The following OLFM3 variants were observed in gnomAD, a reference collection of about 807,000 sequenced individuals.
OLFM3 encodes noelin-3.
Under a neutral mutation model 48.6 loss-of-function variants are expected in OLFM3, and 20 were observed. That is an observed-to-expected ratio of 0.41 (90% CI 0.29 to 0.60). OLFM3 has a LOEUF of 0.60. OLFM3 is among the 20% of genes least tolerant of loss of function. The probability of loss-of-function intolerance (pLI) is 0.28; values close to 1 mark genes in which losing one functional copy is unlikely to be tolerated. For missense variants in OLFM3, 437 were observed against 544.3 expected (o/e 0.80, Z 1.96); for synonymous variants, 222 against 198.1 (o/e 1.12, Z -1.01).
chr1:101,809,036 A>C (rs1221611090), intron 4 of OLFM3, among the ~76,000 whole-genome samples: 1 of 151,644 alleles, frequency 6.6e-6, no homozygotes, highest in Non-Finnish European at 1.5e-5. Context: ...CTCCAAAATA[A>C]AGCAAAAGAG....
At chr1:101,806,698 A>T (rs1653793860) in intron 4 of OLFM3, among the ~76,000 whole-genome samples, 1 of 151,788 alleles carries the variant, frequency 6.6e-6, no homozygotes, top group African/African-American at 2.4e-5. Context: ...AGAATAAAAC[A>T]TTCAATCACA....
intron 1 of OLFM3, among the ~76,000 whole-genome samples, chr1:101,980,562 A>G (rs1406361019): frequency 1.3e-5 from 2 of 152,244 alleles, no homozygotes; most frequent in Non-Finnish European, 1.5e-5. Flanking sequence ...GCCTTCTGCC[A>G]TGATTGTAAG....
chr1:101,848,058 T>G (rs888023918), intron 1 of OLFM3, among the ~76,000 whole-genome samples: 1 of 152,140 alleles, frequency 6.6e-6, no homozygotes, highest in African/African-American at 2.4e-5. Context: ...GTATATAGAA[T>G]CCAGGGTTTA....
intron 1 of OLFM3, chr1:101,846,910 T>C (rs1169240789): frequency 6.2e-7 from 1 of 1,612,728 alleles, no homozygotes; most frequent in Non-Finnish European, 8.5e-7. Flanking sequence ...GTTTGGGACA[T>C]CCAGTTTGAG....
At chr1:101,856,855 T>C (rs1319022811) in intron 1 of OLFM3, among the ~76,000 whole-genome samples, 1 of 152,010 alleles carries the variant, frequency 6.6e-6, no homozygotes, top group Admixed American at 6.6e-5. Flanking sequence ...GTATATTGGA[T>C]TCAAATAGTT....
intron 1 of OLFM3, among the ~76,000 whole-genome samples, chr1:101,969,855 G>A (rs1336315807): frequency 1.3e-5 from 2 of 152,116 alleles, no homozygotes; most frequent in South Asian, 2.1e-4. Flanking sequence ...TGGAACTAGG[G>A]TAAAGGAAGA....
chr1:101,812,674 A>G (rs1324999632), intron 4 of OLFM3: 1 of 985,544 alleles, frequency 1.0e-6, no homozygotes, highest in Non-Finnish European at 1.2e-6. Flanking sequence ...TTGCATCTCT[A>G]TGGCAAAGGG....
At chr1:101,818,544 T>C (rs763954268) in intron 4 of OLFM3, among the ~76,000 whole-genome samples, 25 of 152,250 alleles carry the variant, frequency 1.6e-4, no homozygotes, top group Non-Finnish European at 2.9e-4. Context: ...ATTTCCTCCA[T>C]TGCATTTCTG....
intron 1 of OLFM3, among the ~76,000 whole-genome samples, chr1:101,908,841 C>A (rs1658644535): frequency 6.6e-6 from 1 of 152,120 alleles, no homozygotes; most frequent in Non-Finnish European, 1.5e-5. Flanking sequence ...ATGCCTGGAG[C>A]CACCAGAAAG....
At chr1:101,924,747 AACACTAC>A (rs1311400290) in intron 1 of OLFM3, among the ~76,000 whole-genome samples, 2 of 152,260 alleles carry the variant, frequency 1.3e-5, no homozygotes, top group Admixed American at 1.3e-4. Context: ...TATTTACTTA[AACACTAC>A]AGTTCTGGAA....
chr1:101,862,897 T>C (rs1203228085), intron 1 of OLFM3, among the ~76,000 whole-genome samples: 1 of 152,180 alleles, frequency 6.6e-6, no homozygotes, highest in African/African-American at 2.4e-5. Context: ...TGTACAGATT[T>C]CACTCAGTGT....
At chr1:101,812,013 G>T (rs1161792864) in intron 4 of OLFM3, among the ~76,000 whole-genome samples, 1 of 152,054 alleles carries the variant, frequency 6.6e-6, no homozygotes, top group African/African-American at 2.4e-5. Flanking sequence ...CCATAAAAAA[G>T]GATGAGTTCG....
At chr1:101,951,037 A>C (rs534148874) in intron 1 of OLFM3, among the ~76,000 whole-genome samples, 1 of 152,338 alleles carries the variant, frequency 6.6e-6, no homozygotes, top group South Asian at 2.1e-4. Context: ...ACTATATGCT[A>C]TGGGGATACC....
intron 4 of OLFM3, among the ~76,000 whole-genome samples, chr1:101,813,777 G>T (rs377314509): frequency 9.2e-5 from 14 of 152,060 alleles, no homozygotes; most frequent in African/African-American, 2.9e-4. Context: ...CTCTTTATTT[G>T]ACCTCAGTCC....
intron 1 of OLFM3, among the ~76,000 whole-genome samples, chr1:101,854,165 TA>T (rs34523237): frequency 0.53 from 79,518 of 151,330 alleles, 21,587 homozygotes; most frequent in African/African-American, 0.64. Flanking sequence ...AAGACAGATT[TA>T]AAAAAAAATG....
intron 1 of OLFM3, among the ~76,000 whole-genome samples, chr1:101,854,398 C>A (rs899771827): frequency 7.2e-5 from 11 of 152,076 alleles, no homozygotes; most frequent in African/African-American, 2.7e-4. Context: ...GTCTTCTCAT[C>A]TTTGCCTTCA....
chr1:101,946,332 T>A (rs1472770451), intron 1 of OLFM3, among the ~76,000 whole-genome samples: 1 of 152,114 alleles, frequency 6.6e-6, no homozygotes, highest in Non-Finnish European at 1.5e-5. Flanking sequence ...ATCACGAGAA[T>A]CCTTTGAAAA....
intron 1 of OLFM3, among the ~76,000 whole-genome samples, chr1:101,951,932 G>T (rs1053157445): frequency 3.3e-5 from 5 of 152,070 alleles, no homozygotes; most frequent in South Asian, 2.1e-4. Context: ...GAAAGGTGTT[G>T]ATTGGGATAA....
chr1:101,811,828 A>G (rs1404530523), intron 4 of OLFM3, among the ~76,000 whole-genome samples: 2 of 152,154 alleles, frequency 1.3e-5, no homozygotes, highest in African/African-American at 4.8e-5. Flanking sequence ...CAGCCATCCC[A>G]TTACTGGGTA....
Sources: allele counts gnomAD v4.1 joint callset (sites outside exome capture counted in the v4.1 genomes callset), GRCh38; gene constraint gnomAD v4.1.1; transcripts MANE v1.5; gene names NCBI Gene and HGNC (gene_info 2026-07-23, HGNC 2026-07-21).